Variants in NTRK3 observed in about 807,000 individuals in gnomAD.
NTRK3 encodes neurotrophic receptor tyrosine kinase 3.
NTRK3 carries 24 observed loss-of-function variants against 91.7 expected under a neutral mutation model. The observed-to-expected ratio is 0.26, with a 90% CI of 0.19 to 0.37. The LOEUF (loss-of-function observed/expected upper bound fraction) is 0.37, where lower values mean the gene tolerates loss of function less well. Ranked by LOEUF, NTRK3 falls within the 10% of genes least tolerant of loss-of-function variation. The pLI is 1.00. For missense variants in NTRK3, 880 were observed against 1,068.9 expected (o/e 0.82, Z 2.46); for synonymous variants, 483 against 404.0 (o/e 1.20, Z -2.34).
intron 14 of NTRK3, chr15:87,978,473 G>T: frequency 4.4e-6 from 1 of 228,820 alleles, no homozygotes. Context: ...CCGGGATCAT[G>T]GGCTGGCAGG....
chr15:87,866,871 C>G (rs2064696193), exon 19 of NTRK3: 1 of 208,280 alleles, frequency 4.8e-6, no homozygotes, highest in African/African-American at 2.3e-5. Context: ...ATAGTCACTT[C>G]ACTAAATAAA....
At chr15:88,167,569 G>A (rs558851028) in intron 5 of NTRK3, among the ~76,000 whole-genome samples, 1 of 152,246 alleles carries the variant, frequency 6.6e-6, no homozygotes, top group Non-Finnish European at 1.5e-5. Context: ...TAAATAAGAT[G>A]GTATTTTGAG....
intron 5 of NTRK3, among the ~76,000 whole-genome samples, chr15:88,167,922 G>A (rs1288148122): frequency 1.3e-5 from 2 of 152,148 alleles, no homozygotes; most frequent in Non-Finnish European, 2.9e-5. Context: ...TAAGAAACTT[G>A]CTGTGTGCCA....
intron 14 of NTRK3, among the ~76,000 whole-genome samples, chr15:87,992,758 G>C (rs1473929779): frequency 6.6e-6 from 1 of 152,204 alleles, no homozygotes; most frequent in East Asian, 1.9e-4. Flanking sequence ...CCTGTTAATG[G>C]GAGGCAGAGC....
chr15:88,123,777 TGAAA>T (rs1432124576), intron 13 of NTRK3, among the ~76,000 whole-genome samples: 9 of 152,192 alleles, frequency 5.9e-5, no homozygotes, highest in Non-Finnish European at 1.3e-4. Context: ...GGCAATTGGT[TGAAA>T]GAGTTATTTT....
intron 14 of NTRK3, among the ~76,000 whole-genome samples, chr15:87,960,009 A>G (rs2072090125): frequency 6.6e-6 from 1 of 152,250 alleles, no homozygotes; most frequent in African/African-American, 2.4e-5. Context: ...AGTGGGGAGC[A>G]GACCCCAAAT....
At chr15:88,044,612 G>A (rs942609341) in intron 13 of NTRK3, among the ~76,000 whole-genome samples, 2 of 117,990 alleles carry the variant, frequency 1.7e-5, no homozygotes, top group East Asian at 2.9e-4. Flanking sequence ...ATAATCATAC[G>A]GCCAAAAGCA....
At chr15:88,135,511 C>T in intron 9 of NTRK3, 114 bp from the exon 10 acceptor site, 1 of 1,216,262 alleles carries the variant, frequency 8.2e-7, no homozygotes, top group South Asian at 1.3e-5. Context: ...TCTGAAAAGG[C>T]TGAGGGAAGC....
chr15:88,096,762 G>A (rs528932327), intron 13 of NTRK3, among the ~76,000 whole-genome samples: 42 of 152,242 alleles, frequency 2.8e-4, no homozygotes, highest in Middle Eastern at 3.4e-3. Flanking sequence ...TTTCTCAGAC[G>A]GTCCCCAGCA....
chr15:87,961,550 T>G (rs1306561329), intron 14 of NTRK3, among the ~76,000 whole-genome samples: 1 of 152,266 alleles, frequency 6.6e-6, no homozygotes, highest in Non-Finnish European at 1.5e-5. Flanking sequence ...CCGATTGGCA[T>G]ACCAGCTACA....
chr15:88,126,437 ATG>A (rs972534667), intron 12 of NTRK3, 64 bp from the exon 13 acceptor site: 2 of 1,103,462 alleles, frequency 1.8e-6, no homozygotes, highest in African/African-American at 3.1e-5. Flanking sequence ...CTTGAAAATA[ATG>A]TGTGTGCCCA....
At position 88,021,771 on chromosome 15, in the gene NTRK3, C is replaced by T. The variant is rs370928898; in HGVS notation, c.1585+11086G>A. Among the ~76,000 whole-genome samples the T allele has an allele frequency of 5.3e-5, 8 of 152,120 alleles. No individual in the cohort carries two copies. The East Asian group carries it at 5.8e-4, about 11-fold the overall frequency. On this transcript the variant is annotated intron_variant, in intron 14 of 18. Coordinates refer to ENST00000394480, the Ensembl canonical transcript of NTRK3. ...AATATAGTGCAAGGGGAATGAGAAC[C>T]GACAAATTCTTTGGGACATCTGTCA...
intron 13 of NTRK3, among the ~76,000 whole-genome samples, chr15:88,121,852 T>C (rs143047808): frequency 6.6e-6 from 1 of 152,320 alleles, no homozygotes; most frequent in East Asian, 1.9e-4. Flanking sequence ...AAACCCCCAC[T>C]GTACACTTAG....
At chr15:88,210,689 G>T (rs751968368) in intron 3 of NTRK3, among the ~76,000 whole-genome samples, 27 of 152,204 alleles carry the variant, frequency 1.8e-4, no homozygotes, top group Non-Finnish European at 2.2e-4. Flanking sequence ...AGAGTCTTTA[G>T]AGAAAGCAGA....
chr15:87,910,312 C>G (rs189905056), intron 17 of NTRK3, among the ~76,000 whole-genome samples: 1 of 152,090 alleles, frequency 6.6e-6, no homozygotes, highest in East Asian at 1.9e-4. Context: ...CTCCTGCCAA[C>G]GTGCAAAGAA....
At chr15:88,035,741 G>A (rs549780735) in intron 13 of NTRK3, among the ~76,000 whole-genome samples, 10 of 152,258 alleles carry the variant, frequency 6.6e-5, no homozygotes, top group Non-Finnish European at 1.5e-5. Flanking sequence ...GCAGGAAACA[G>A]AGGCAATGCA....
rs1376101961 is a variant in NTRK3 at position 88,077,625 on chromosome 15, C to T, written c.1397-44580G>A. On this transcript the variant is annotated intron_variant, in intron 13 of 18. Coordinates refer to ENST00000394480, the Ensembl canonical transcript of NTRK3. ...GCCTCAGGCAGGGGAACAACGACGA[C>T]GTTATATCTCCTAGCCTGCTGAACA... is the stretch of plus-strand genomic sequence containing the variant. Among the ~76,000 whole-genome samples the T allele has an allele frequency of 5.9e-5, 9 of 152,190 alleles. No individual in the cohort carries two copies. In the South Asian group the frequency reaches 1.0e-3, roughly 18 times the overall value.
At chr15:87,897,701 TGAGA>T (rs2066209866) in intron 17 of NTRK3, among the ~76,000 whole-genome samples, 2 of 152,222 alleles carry the variant, frequency 1.3e-5, no homozygotes, top group South Asian at 4.1e-4. Flanking sequence ...GCTCAGGTAC[TGAGA>T]GTTAGGTTCT....
chr15:88,004,236 A>G (rs1178878239), intron 14 of NTRK3, among the ~76,000 whole-genome samples: 1 of 152,094 alleles, frequency 6.6e-6, no homozygotes, highest in Admixed American at 6.5e-5. Context: ...CCTGATCTCC[A>G]AGAGGGACTA....
Sources: allele counts gnomAD v4.1 joint callset (sites outside exome capture counted in the v4.1 genomes callset), GRCh38; gene constraint gnomAD v4.1.1; transcripts MANE v1.5; gene names NCBI Gene and HGNC (gene_info 2026-07-23, HGNC 2026-07-21).